ESR1: variants seen among roughly 807,000 people sequenced by gnomAD.
The protein encoded by ESR1 is estrogen receptor.
A neutral mutation model predicts 52.7 loss-of-function variants in ESR1; 12 were observed. That is an observed-to-expected ratio of 0.23 (90% CI 0.15 to 0.37). The LOEUF is 0.37. Ranked by LOEUF, ESR1 falls within the 10% of genes least tolerant of loss-of-function variation. ESR1 has a pLI of 1.00. For missense variants in ESR1, 584 were observed against 779.7 expected (o/e 0.75, Z 2.99); for synonymous variants, 305 against 316.8 (o/e 0.96, Z 0.39).
At chr6:151,959,504 T>A (rs570289127) in intron 4 of ESR1, among the ~76,000 whole-genome samples, 34 of 152,338 alleles carry the variant, frequency 2.2e-4, no homozygotes, top group South Asian at 1.7e-3. Flanking sequence ...TATTCCTATA[T>A]GTCACTGAAG....
chr6:151,975,730 AG>A (rs1166634824), intron 4 of ESR1, among the ~76,000 whole-genome samples: 3 of 152,250 alleles, frequency 2.0e-5, no homozygotes, highest in Non-Finnish European at 4.4e-5. Context: ...ATATTTAAAA[AG>A]TACTTTCACA....
chr6:151,963,352 G>A (rs2037891435), intron 4 of ESR1, among the ~76,000 whole-genome samples: 1 of 152,102 alleles, frequency 6.6e-6, no homozygotes, highest in Admixed American at 6.6e-5. Flanking sequence ...TAAAAATGTG[G>A]GTAAGAGTGA....
intron 1 of ESR1, among the ~76,000 whole-genome samples, chr6:151,820,784 A>G (rs2128189374): frequency 6.6e-6 from 1 of 152,272 alleles, no homozygotes; most frequent in Admixed American, 6.5e-5. Flanking sequence ...TGCTAAAAGC[A>G]TGTTTAAACA....
intron 3 of ESR1, among the ~76,000 whole-genome samples, chr6:151,883,294 G>GT (rs34141432): frequency 6.6e-4 from 97 of 147,080 alleles, no homozygotes; most frequent in East Asian, 2.0e-3. Context: ...TAATTTTTGT[G>GT]TTTTTTTTTT....
chr6:152,042,261 C>T (rs1246252023), intron 5 of ESR1, among the ~76,000 whole-genome samples: 1 of 152,200 alleles, frequency 6.6e-6, no homozygotes, highest in Admixed American at 6.5e-5. Context: ...GCCAATTATG[C>T]ATTCTGGCAC....
chr6:151,826,906 A>ATAG (rs1395513978), intron 1 of ESR1, among the ~76,000 whole-genome samples: 9 of 152,180 alleles, frequency 5.9e-5, no homozygotes, highest in Non-Finnish European at 1.3e-4. Context: ...AAGGGAGGGA[A>ATAG]TAGTACCATG....
chr6:152,088,105 T>C (rs2049887621), intron 6 of ESR1, among the ~76,000 whole-genome samples: 1 of 152,202 alleles, frequency 6.6e-6, no homozygotes, highest in Admixed American at 6.5e-5. Flanking sequence ...AAAAATGTAA[T>C]GTATTTTATA....
intron 5 of ESR1, among the ~76,000 whole-genome samples, chr6:152,038,337 C>A (rs1422030648): frequency 1.3e-5 from 2 of 152,208 alleles, no homozygotes; most frequent in Non-Finnish European, 2.9e-5. Flanking sequence ...TTCACTGACA[C>A]AAATGTTAAT....
chr6:152,079,609 A>G (rs980144328), intron 6 of ESR1, among the ~76,000 whole-genome samples: 1 of 152,214 alleles, frequency 6.6e-6, no homozygotes, highest in Non-Finnish European at 1.5e-5. Flanking sequence ...GCTCCTCACC[A>G]GCAAGGGAAC....
At chr6:151,818,883 A>T (rs569959230) in intron 1 of ESR1, among the ~76,000 whole-genome samples, 1 of 152,110 alleles carries the variant, frequency 6.6e-6, no homozygotes, top group East Asian at 1.9e-4. Context: ...TATACTCCCC[A>T]ACCTGATCTG....
Position 152,008,112 on chromosome 6 carries a change from G to A in ESR1, c.1097-3544G>A, listed in dbSNP as rs553990594. On this transcript the variant is annotated intron_variant, in intron 4 of 7. Transcript: ENST00000206249. ...TGGATATTTATTCCACGCTGAAAAG[G>A]TAGTTAGATGCTGTGTGGTAAAGTC... Among the ~76,000 whole-genome samples the A allele has an allele frequency of 2.6e-5, 4 of 152,204 alleles. No homozygotes were observed. The South Asian group carries it at 8.3e-4, about 32-fold the overall frequency.
chr6:151,750,535 C>T (rs1192216722), intron 2 of ESR1, among the ~76,000 whole-genome samples: 3 of 152,124 alleles, frequency 2.0e-5, no homozygotes, highest in Non-Finnish European at 4.4e-5. Flanking sequence ...TAGTGAAGAA[C>T]ATTTCCCAGG....
chr6:152,040,336 A>G (rs2045684665), intron 5 of ESR1, among the ~76,000 whole-genome samples: 1 of 152,170 alleles, frequency 6.6e-6, no homozygotes, highest in South Asian at 2.1e-4. Context: ...GCTGAGTGGT[A>G]TCCACAGAAC....
At chr6:151,775,409 A>G (rs553667100) in intron 2 of ESR1, among the ~76,000 whole-genome samples, 3 of 152,136 alleles carry the variant, frequency 2.0e-5, no homozygotes, top group Admixed American at 6.5e-5. Context: ...AGCATTTTGA[A>G]TTTTGGATTT....
At chr6:151,686,719 A>ACCAACCAACCAC (rs1173173930), upstream of ESR1, among the ~76,000 whole-genome samples, 2 of 114,470 alleles carry the variant, frequency 1.7e-5, no homozygotes, top group African/African-American at 8.5e-5. Flanking sequence ...CAACCAACCA[A>ACCAACCAACCAC]CCAACCAACC....
At chr6:151,708,551 G>T (rs1780347235) in intron 2 of ESR1, among the ~76,000 whole-genome samples, 1 of 152,056 alleles carries the variant, frequency 6.6e-6, no homozygotes, top group African/African-American at 2.4e-5. Context: ...TGATGTTGGA[G>T]AGTATCATTT....
intron 6 of ESR1, chr6:152,122,532 T>G: frequency 6.2e-7 from 1 of 1,614,110 alleles, no homozygotes; most frequent in Non-Finnish European, 8.5e-7. Flanking sequence ...CCTCTGACAT[T>G]GGTACAAGGC....
At chr6:151,924,769 G>A (rs922344224) in intron 3 of ESR1, among the ~76,000 whole-genome samples, 4 of 151,952 alleles carry the variant, frequency 2.6e-5, no homozygotes, top group East Asian at 1.9e-4. Flanking sequence ...ACATGCTCTC[G>A]TGTTTTTTTT....
intron 2 of ESR1, among the ~76,000 whole-genome samples, chr6:151,710,568 A>G (rs1780522834): frequency 6.6e-6 from 1 of 152,122 alleles, no homozygotes; most frequent in Non-Finnish European, 1.5e-5. Context: ...ATTATGGTAA[A>G]TTGAATTTTT....
Sources: allele counts gnomAD v4.1 joint callset (sites outside exome capture counted in the v4.1 genomes callset), GRCh38; gene constraint gnomAD v4.1.1; transcripts MANE v1.5; gene names NCBI Gene and HGNC (gene_info 2026-07-23, HGNC 2026-07-21).